Variants in METTL25 observed in about 807,000 individuals in gnomAD.
The protein encoded by METTL25 is methyltransferase like 25, also known as probable methyltransferase-like protein 25.
In METTL25, 64 loss-of-function variants were observed where a neutral mutation model predicts 71.6. The ratio of observed to expected loss-of-function variants is 0.89; its 90% CI spans 0.73 to 1.10. The LOEUF (loss-of-function observed/expected upper bound fraction) is 1.10, where lower values mean the gene tolerates loss of function less well. Among genes scored for constraint, METTL25 ranks in the 50% least tolerant of loss-of-function variants. The pLI, the probability that METTL25 is intolerant of heterozygous loss-of-function variation, is 0.00. For synonymous variants in METTL25, 287 were observed against 250.3 expected (o/e 1.15, Z -1.38); for missense variants, 807 against 707.0 (o/e 1.14, Z -1.60).
chr12:82,452,310 C>T (rs1423385374), intron 8 of METTL25, among the ~76,000 whole-genome samples: 1 of 152,020 alleles, frequency 6.6e-6, no homozygotes, highest in African/African-American at 2.4e-5. Flanking sequence ...ATTCTTTGGC[C>T]TACCTCTTTT....
chr12:82,370,938 A>G (rs1333809425), intron 1 of METTL25, among the ~76,000 whole-genome samples: 4 of 152,198 alleles, frequency 2.6e-5, no homozygotes, highest in Non-Finnish European at 1.5e-5. Context: ...TTTGCACTGC[A>G]TGCAATAACT....
chr12:82,372,867 C>T (rs1883398918), intron 1 of METTL25, among the ~76,000 whole-genome samples: 1 of 152,176 alleles, frequency 6.6e-6, no homozygotes, highest in South Asian at 2.1e-4. Flanking sequence ...GACGTAGCAG[C>T]AGAAACACTT....
chr12:82,421,600 C>G (rs10746251), intron 5 of METTL25, among the ~76,000 whole-genome samples: 1 of 151,966 alleles, frequency 6.6e-6, no homozygotes, highest in Non-Finnish European at 1.5e-5. Flanking sequence ...ATAGAGAAGC[C>G]AAAAACCCTT....
chr12:82,465,928 G>A (rs1474381964), intron 9 of METTL25, among the ~76,000 whole-genome samples: 1 of 147,586 alleles, frequency 6.8e-6, no homozygotes, highest in African/African-American at 2.5e-5. Context: ...TTTATATTCT[G>A]TGGTATCTGT....
chr12:82,371,598 T>C (rs1239579567), intron 1 of METTL25, among the ~76,000 whole-genome samples: 1 of 152,198 alleles, frequency 6.6e-6, no homozygotes, highest in Non-Finnish European at 1.5e-5. Flanking sequence ...CTGTTCCTCT[T>C]GTTCCCTATT....
intron 7 of METTL25, among the ~76,000 whole-genome samples, chr12:82,436,103 C>T (rs945152474): frequency 6.6e-6 from 1 of 151,322 alleles, no homozygotes; most frequent in African/African-American, 2.4e-5. Flanking sequence ...TACTCTAATG[C>T]ATTCATGTGG....
At chr12:82,422,389 G>T (rs1592697326) in intron 5 of METTL25, among the ~76,000 whole-genome samples, 1 of 152,084 alleles carries the variant, frequency 6.6e-6, no homozygotes, top group East Asian at 1.9e-4. Flanking sequence ...GTATTGATGG[G>T]ACGTATTTAA....
At chr12:82,359,132 G>C (rs1881423667) in intron 1 of METTL25, among the ~76,000 whole-genome samples, 1 of 152,202 alleles carries the variant, frequency 6.6e-6, no homozygotes, top group African/African-American at 2.4e-5. Flanking sequence ...GGGGAGCAGT[G>C]CTCTCACAGG....
intron 2 of METTL25, among the ~76,000 whole-genome samples, chr12:82,389,472 C>A (rs1389824903): frequency 3.3e-5 from 5 of 151,930 alleles, no homozygotes; most frequent in Non-Finnish European, 7.4e-5. Context: ...TACAAATTCT[C>A]TGTAGATATA....
intron 3 of METTL25, among the ~76,000 whole-genome samples, chr12:82,390,963 A>G (rs750752522): frequency 1.2e-4 from 18 of 152,104 alleles, no homozygotes; most frequent in Non-Finnish European, 2.1e-4. Flanking sequence ...CTAGAGGACC[A>G]AATACATAAT....
chr12:82,389,457 T>C (rs1467944286), intron 2 of METTL25, among the ~76,000 whole-genome samples: 1 of 152,084 alleles, frequency 6.6e-6, no homozygotes, highest in Non-Finnish European at 1.5e-5. Flanking sequence ...TATTTTATTC[T>C]TAGATACAAA....
intron 7 of METTL25, among the ~76,000 whole-genome samples, chr12:82,435,662 T>C (rs577277632): frequency 6.6e-6 from 1 of 151,480 alleles, no homozygotes; most frequent in Non-Finnish European, 1.5e-5. Flanking sequence ...TAGCTTAATT[T>C]CTTTATCTGT....
intron 8 of METTL25, among the ~76,000 whole-genome samples, chr12:82,452,304 T>C (rs1403960583): frequency 6.6e-6 from 1 of 152,228 alleles, no homozygotes; most frequent in East Asian, 1.9e-4. Flanking sequence ...TTAAAGATTC[T>C]TTGGCCTACC....
chr12:82,425,268 G>A (rs1888920136), intron 5 of METTL25, among the ~76,000 whole-genome samples: 1 of 151,952 alleles, frequency 6.6e-6, no homozygotes, highest in South Asian at 2.1e-4. Flanking sequence ...CATACAAATA[G>A]GTTTATACCT....
At chr12:82,407,107 C>G (rs1003072533) in intron 5 of METTL25, among the ~76,000 whole-genome samples, 1 of 152,086 alleles carries the variant, frequency 6.6e-6, no homozygotes, top group Admixed American at 6.6e-5. Context: ...TAAGATTACT[C>G]CATAATCTGT....
At position 82,461,864 on chromosome 12, in the gene METTL25, A is replaced by G. The variant is rs533417486; in HGVS notation, c.1572+5044A>G. On this transcript the variant is annotated intron_variant, in intron 9 of 11. Transcript: ENST00000248306. The stretch of plus-strand genomic sequence containing the variant: ...AGATGTATGCGATCTAACGCATAGA[A>G]TAGATTAGAGTTAAAATCACTGTCA... Among the ~76,000 whole-genome samples, 4 of 152,328 alleles carry G rather than the reference A, an allele frequency of 2.6e-5. No individual in the cohort carries two copies. In the East Asian group the frequency reaches 7.7e-4, roughly 29 times the overall value.
At chr12:82,427,574 C>G (rs1889133237) in intron 5 of METTL25, among the ~76,000 whole-genome samples, 1 of 151,882 alleles carries the variant, frequency 6.6e-6, no homozygotes, top group African/African-American at 2.4e-5. Flanking sequence ...CCACTGGAAG[C>G]TCAGTTTTTA....
intron 5 of METTL25, among the ~76,000 whole-genome samples, chr12:82,423,990 T>G (rs1008731130): frequency 3.1e-4 from 47 of 152,120 alleles, no homozygotes; most frequent in African/African-American, 4.3e-4. Flanking sequence ...ATTCCTCAGG[T>G]ATCTAGAACT....
At chr12:82,477,656 G>T (rs115038305) in intron 11 of METTL25, among the ~76,000 whole-genome samples, 67 of 151,762 alleles carry the variant, frequency 4.4e-4, no homozygotes, top group African/African-American at 1.5e-3. Flanking sequence ...ATTTATAAAG[G>T]CTAGACATAA....
Sources: allele counts gnomAD v4.1 joint callset (sites outside exome capture counted in the v4.1 genomes callset), GRCh38; gene constraint gnomAD v4.1.1; transcripts MANE v1.5; gene names NCBI Gene and HGNC (gene_info 2026-07-23, HGNC 2026-07-21).